The following ARHGAP6 variants were observed in gnomAD, a reference collection of about 807,000 sequenced individuals.
The protein encoded by ARHGAP6 is rho GTPase-activating protein 6.
In ARHGAP6, 16 loss-of-function variants were observed where a neutral mutation model predicts 55.7. The observed-to-expected ratio is 0.29, with a 90% CI of 0.19 to 0.44. ARHGAP6 has a LOEUF of 0.44. Among genes scored for constraint, ARHGAP6 ranks in the 20% least tolerant of loss-of-function variants. The pLI, the probability that ARHGAP6 is intolerant of heterozygous loss-of-function variation, is 1.00. For missense variants in ARHGAP6, 698 were observed against 808.9 expected, an observed-to-expected ratio of 0.86 and a Z score of 1.66; for synonymous variants, 382 against 360.9, an observed-to-expected ratio of 1.06 and a Z score of -0.66.
chrX:11,649,034 T>C (rs765762511), intron 1 of ARHGAP6, among the ~76,000 whole-genome samples: 1 of 112,388 alleles, frequency 8.9e-6, no homozygotes, highest in Non-Finnish European at 1.9e-5. Context: ...TTCCTTTAGC[T>C]CGTGGCAGAT....
intron 1 of ARHGAP6, among the ~76,000 whole-genome samples, chrX:11,354,275 CTCTCTCTCTCTCTCTCTCTT>C (rs1159850067): frequency 1.6e-3 from 128 of 79,573 alleles, no homozygotes; most frequent in African/African-American, 5.4e-3. Flanking sequence ...AGCTCTCTCT[CTCTCTCTCTCTCTCTCTCTT>C]TCTCTCTCTC....
intron 1 of ARHGAP6, among the ~76,000 whole-genome samples, chrX:11,484,653 T>C (rs1050672214): frequency 1.8e-5 from 2 of 111,348 alleles, no homozygotes; most frequent in African/African-American, 6.5e-5. Context: ...ATTGGATACA[T>C]AATTGGGATT....
intron 1 of ARHGAP6, among the ~76,000 whole-genome samples, chrX:11,538,475 C>A (rs1012467821): frequency 1.8e-5 from 2 of 111,348 alleles, no homozygotes; most frequent in Non-Finnish European, 3.8e-5. Flanking sequence ...ACAAGCTGTA[C>A]CCCAAAAATT....
At chrX:11,210,087 A>T in intron 2 of ARHGAP6, among the ~76,000 whole-genome samples, 1 of 112,762 alleles carries the variant, frequency 8.9e-6, no homozygotes, top group Middle Eastern at 4.2e-3. Context: ...TTATAAAGGA[A>T]GGGCAGTCCA....
intron 1 of ARHGAP6, among the ~76,000 whole-genome samples, chrX:11,584,156 G>A (rs1056872519): frequency 6.3e-5 from 7 of 111,806 alleles, no homozygotes; most frequent in African/African-American, 2.3e-4. Flanking sequence ...CAAGTTAATC[G>A]ATTTCCTATA....
At chrX:11,512,096 G>A (rs1679621528) in intron 1 of ARHGAP6, among the ~76,000 whole-genome samples, 1 of 111,685 alleles carries the variant, frequency 9.0e-6, no homozygotes, top group African/African-American at 3.3e-5. Flanking sequence ...AAAGTGCTGG[G>A]ATTACAGGTG....
intron 1 of ARHGAP6, among the ~76,000 whole-genome samples, chrX:11,397,871 A>G (rs5935049): frequency 0.057 from 6,325 of 111,801 alleles, 204 homozygotes; most frequent in African/African-American, 0.12. Context: ...GCAACAGAGC[A>G]AGACTCTGTC....
intron 1 of ARHGAP6, among the ~76,000 whole-genome samples, chrX:11,467,984 GAATGAATGAATAAATAAATAAATAAATA>G (rs1312933952): frequency 4.2e-4 from 19 of 45,777 alleles, no homozygotes; most frequent in African/African-American, 1.4e-3. Flanking sequence ...TGTCTTAAAT[GAATGAATGAATAAATAAATAAATAAATA>G]AATAAATAAA....
At chrX:11,514,838 GCACACACA>G (rs71928650) in intron 1 of ARHGAP6, among the ~76,000 whole-genome samples, 2,063 of 96,216 alleles carry the variant, frequency 0.021, 25 homozygotes, top group Middle Eastern at 0.077. Flanking sequence ...TCTATGCATT[GCACACACA>G]CACACACACA....
chrX:11,442,396 T>C (rs1299216271), intron 1 of ARHGAP6, among the ~76,000 whole-genome samples: 3 of 111,637 alleles, frequency 2.7e-5, no homozygotes, highest in Non-Finnish European at 3.8e-5. Context: ...TTGATTTTTT[T>C]TAGAAGTATA....
chrX:11,184,299 G>A (rs183473336), intron 5 of ARHGAP6, among the ~76,000 whole-genome samples: 171 of 112,262 alleles, frequency 1.5e-3, no homozygotes, highest in African/African-American at 5.2e-3. Context: ...TATTGCCCTG[G>A]CTGGTCTCAA....
chrX:11,467,054 C>T (rs2050300363), intron 1 of ARHGAP6, among the ~76,000 whole-genome samples: 1 of 112,020 alleles, frequency 8.9e-6, no homozygotes, highest in Non-Finnish European at 1.9e-5. Context: ...AATCTAAATT[C>T]TGTTTTCCTG....
chrX:11,148,722 G>T, intron 10 of ARHGAP6: 1 of 372,862 alleles, frequency 2.7e-6, no homozygotes, highest in South Asian at 2.4e-5. Context: ...AACTTGTTCT[G>T]GGGACAAATG....
intron 9 of ARHGAP6, among the ~76,000 whole-genome samples, chrX:11,158,703 A>G (rs1384649686): frequency 8.9e-6 from 1 of 112,029 alleles, no homozygotes; most frequent in Non-Finnish European, 1.9e-5. Flanking sequence ...CTTCTCCCCT[A>G]GCAGTCATTC....
At chrX:11,538,408 C>A (rs1326482898) in intron 1 of ARHGAP6, among the ~76,000 whole-genome samples, 1 of 111,088 alleles carries the variant, frequency 9.0e-6, no homozygotes, top group African/African-American at 3.3e-5. Context: ...ATTTTCCTGG[C>A]CCTTTATGGC....
chrX:11,360,658 G>A (rs1195031667), intron 1 of ARHGAP6, among the ~76,000 whole-genome samples: 1 of 108,232 alleles, frequency 9.2e-6, no homozygotes, highest in African/African-American at 3.4e-5. Context: ...TCTGGCCAGG[G>A]CAATTAGGCA....
At position 11,137,642 on chromosome X, in the gene ARHGAP6, A is replaced by AT. The variant is rs1316472792; in HGVS notation, c.*1220dup. The AT allele has an allele frequency of 3.0e-5, 3 of 98,783 alleles. No homozygotes were observed. Among genetic ancestry groups the AT allele is most frequent in the Non-Finnish European group, 4.3e-5 (2 of 46,938 alleles). The allele number at this position is 98,783 out of a possible 1,213,427, so 8.1% of individuals were successfully genotyped here. On this transcript the variant is annotated 3_prime_UTR_variant, in exon 13 of 13. Transcript: ENST00000337414. The stretch of plus-strand genomic sequence containing the variant: ...ATGAAAATTAAGAGTAGCATGTTTT[A>AT]TAAAAAAAAAAAAAATCTTTTTTTA...
At chrX:11,329,289 C>T (rs1024578537) in intron 1 of ARHGAP6, among the ~76,000 whole-genome samples, 5 of 111,481 alleles carry the variant, frequency 4.5e-5, no homozygotes, top group Non-Finnish European at 7.5e-5. Flanking sequence ...TGGGAGTAGT[C>T]ATTTTTCAAT....
intron 1 of ARHGAP6, among the ~76,000 whole-genome samples, chrX:11,489,041 G>A (rs1327390058): frequency 8.9e-6 from 1 of 112,234 alleles, no homozygotes; most frequent in Non-Finnish European, 1.9e-5. Flanking sequence ...AGACATAACT[G>A]TTAAATCCAG....
Sources: allele counts gnomAD v4.1 joint callset (sites outside exome capture counted in the v4.1 genomes callset), GRCh38; gene constraint gnomAD v4.1.1; transcripts MANE v1.5; gene names NCBI Gene and HGNC (gene_info 2026-07-23, HGNC 2026-07-21).